The following LINGO2 variants were observed in gnomAD, a reference collection of about 807,000 sequenced individuals.
LINGO2 encodes leucine rich repeat and Ig domain containing 2.
LINGO2 carries 14 observed loss-of-function variants against 30.6 expected under a neutral mutation model. The observed-to-expected ratio is 0.46, with a 90% CI of 0.30 to 0.72. The LOEUF (loss-of-function observed/expected upper bound fraction) is 0.72. Ranked by LOEUF, LINGO2 falls within the 30% of genes least tolerant of loss-of-function variation. The pLI, the probability that LINGO2 is intolerant of heterozygous loss-of-function variation, is 0.07. For missense variants in LINGO2, 729 were observed against 751.7 expected, an observed-to-expected ratio of 0.97 and a Z score of 0.35; for synonymous variants, 317 against 288.5, an observed-to-expected ratio of 1.10 and a Z score of -1.00.
intron 2 of LINGO2, among the ~76,000 whole-genome samples, chr9:28,411,777 T>C (rs913306705): frequency 2.6e-5 from 4 of 152,096 alleles, no homozygotes; most frequent in Non-Finnish European, 4.4e-5. Flanking sequence ...TTTTGTGGTA[T>C]GTACCCAGAA....
chr9:28,636,385 G>A (rs201450780), intron 1 of LINGO2, among the ~76,000 whole-genome samples: 4,425 of 152,124 alleles, frequency 0.029, 106 homozygotes, highest in Admixed American at 0.046. Context: ...TCTAGATCCC[G>A]GAGGAATCGC....
the LINGO2 span, among the ~76,000 whole-genome samples, chr9:29,098,078 T>G: frequency 2.0e-5 from 3 of 152,208 alleles, no homozygotes; most frequent in Admixed American, 2.0e-4. Flanking sequence ...AACTGATGAA[T>G]GAATAAAATA....
chr9:28,427,207 G>C (rs1206443836), intron 2 of LINGO2, among the ~76,000 whole-genome samples: 2 of 152,014 alleles, frequency 1.3e-5, no homozygotes, highest in East Asian at 3.9e-4. Context: ...AACACAAGAA[G>C]ACATAGTCTA....
At chr9:29,173,471 C>T in the LINGO2 span, among the ~76,000 whole-genome samples, 2 of 152,136 alleles carry the variant, frequency 1.3e-5, no homozygotes, top group African/African-American at 2.4e-5. Context: ...TATGTAGGAG[C>T]AAGTCCCTTG....
chr9:29,152,440 A>C, the LINGO2 span, among the ~76,000 whole-genome samples: 1 of 152,204 alleles, frequency 6.6e-6, no homozygotes, highest in Admixed American at 6.5e-5. Flanking sequence ...CTGCATAAGG[A>C]AAATATGTTA....
At chr9:28,380,939 T>C (rs1564163087) in intron 2 of LINGO2, among the ~76,000 whole-genome samples, 4 of 152,160 alleles carry the variant, frequency 2.6e-5, no homozygotes, top group South Asian at 4.1e-4. Flanking sequence ...AGAGGCTGGG[T>C]ATAACTACGG....
At chr9:28,620,284 C>G (rs1826333048) in intron 1 of LINGO2, among the ~76,000 whole-genome samples, 1 of 152,088 alleles carries the variant, frequency 6.6e-6, no homozygotes, top group African/African-American at 2.4e-5. Flanking sequence ...AAGTTTTAGA[C>G]AAAGTGTGTT....
chr9:28,070,409 A>G (rs2133170370), intron 4 of LINGO2, among the ~76,000 whole-genome samples: 1 of 152,218 alleles, frequency 6.6e-6, no homozygotes, highest in Non-Finnish European at 1.5e-5. Flanking sequence ...CCAAAAACCA[A>G]AAAACAAATC....
chr9:28,019,907 G>A (rs565996083), intron 4 of LINGO2, among the ~76,000 whole-genome samples: 1 of 152,162 alleles, frequency 6.6e-6, no homozygotes, highest in African/African-American at 2.4e-5. Context: ...GATGGGCCAG[G>A]TCTGTTTCCC....
At chr9:28,997,780 G>T in the LINGO2 span, among the ~76,000 whole-genome samples, 1 of 151,728 alleles carries the variant, frequency 6.6e-6, no homozygotes, top group African/African-American at 2.4e-5. Flanking sequence ...CCGAGATCGT[G>T]CCACTGCACT....
At chr9:28,870,737 A>G in the LINGO2 span, among the ~76,000 whole-genome samples, 1 of 152,222 alleles carries the variant, frequency 6.6e-6, no homozygotes, top group South Asian at 2.1e-4. Context: ...ACATAAAACC[A>G]TAGAAAAGTA....
At chr9:27,993,763 A>C (rs1177527192) in intron 5 of LINGO2, among the ~76,000 whole-genome samples, 2 of 152,106 alleles carry the variant, frequency 1.3e-5, no homozygotes, top group African/African-American at 2.4e-5. Context: ...TTTAACATTT[A>C]CCCCTAGTAC....
intron 3 of LINGO2, among the ~76,000 whole-genome samples, chr9:28,353,595 C>T (rs1360040703): frequency 3.3e-5 from 5 of 151,520 alleles, no homozygotes; most frequent in East Asian, 1.9e-4. Context: ...GTCAGTGTGG[C>T]GATTCCTCAG....
At chr9:29,188,903 G>A in the LINGO2 span, among the ~76,000 whole-genome samples, 5 of 149,186 alleles carry the variant, frequency 3.4e-5, no homozygotes, top group Admixed American at 1.3e-4. Context: ...CCCAGTAGGG[G>A]TGGCCGGGCA....
At chr9:28,237,748 G>A (rs561766473) in intron 4 of LINGO2, among the ~76,000 whole-genome samples, 24 of 152,000 alleles carry the variant, frequency 1.6e-4, no homozygotes, top group Non-Finnish European at 2.2e-4. Context: ...CCAGCTACTC[G>A]GGAGGTTGAA....
intron 2 of LINGO2, among the ~76,000 whole-genome samples, chr9:28,383,994 G>T (rs1821463840): frequency 6.6e-6 from 1 of 151,958 alleles, no homozygotes; most frequent in Admixed American, 6.6e-5. Context: ...TTACAGCTAT[G>T]AAAGTCATTT....
At chr9:28,552,133 T>C (rs1346141147) in intron 1 of LINGO2, among the ~76,000 whole-genome samples, 2 of 152,030 alleles carry the variant, frequency 1.3e-5, no homozygotes, top group African/African-American at 4.8e-5. Flanking sequence ...CAAGAAATTA[T>C]AAATTTACCT....
the LINGO2 span, among the ~76,000 whole-genome samples, chr9:29,141,187 A>G: frequency 6.6e-6 from 1 of 152,064 alleles, no homozygotes; most frequent in South Asian, 2.1e-4. Context: ...AAACACTGGT[A>G]TCAAATTTAA....
the LINGO2 span, among the ~76,000 whole-genome samples, chr9:28,758,273 A>G: frequency 4.6e-5 from 7 of 152,092 alleles, no homozygotes; most frequent in African/African-American, 1.7e-4. Flanking sequence ...CAAAAGAACT[A>G]TGAGTAGGTG....
Sources: gnomAD v4.1 joint callset for allele counts (sites outside exome capture counted in the v4.1 genomes callset) on GRCh38, gnomAD v4.1.1 for gene constraint, MANE v1.5 for transcripts, NCBI Gene and HGNC (gene_info 2026-07-23, HGNC 2026-07-21) for gene names.